The following SLC12A2 variants were observed in gnomAD, a reference collection of about 807,000 sequenced individuals.
SLC12A2 encodes the protein solute carrier family 12 member 2, also known as Na-K-2Cl cotransporter 1.
SLC12A2 carries 67 observed loss-of-function variants against 136.3 expected under a neutral mutation model. That is an observed-to-expected ratio of 0.49 (90% CI 0.40 to 0.60). The LOEUF (loss-of-function observed/expected upper bound fraction) is 0.60, where lower values mean the gene tolerates loss of function less well. Among genes scored for constraint, SLC12A2 ranks in the 20% least tolerant of loss-of-function variants. The pLI, the probability that SLC12A2 is intolerant of heterozygous loss-of-function variation, is 0.00. For synonymous variants in SLC12A2, 619 were observed against 562.9 expected (o/e 1.10, Z -1.41); for missense variants, 1,322 against 1,534.7 (o/e 0.86, Z 2.32).
chr5:128,165,203 C>T (rs1391734909), intron 17 of SLC12A2, among the ~76,000 whole-genome samples: 21 of 152,122 alleles, frequency 1.4e-4, no homozygotes, highest in Non-Finnish European at 1.5e-5. Context: ...TTAGAGACCT[C>T]TTTGAGCAAA....
At chr5:128,167,632 TG>T in intron 17 of SLC12A2, 128 bp from the exon 18 acceptor site, 1 of 552,188 alleles carries the variant, frequency 1.8e-6, no homozygotes, top group Non-Finnish European at 3.2e-6. Context: ...AATATGAATA[TG>T]GAATGCTGAA....
intron 16 of SLC12A2, 117 bp downstream of exon 16, chr5:128,158,281 A>G (rs1762927510): frequency 1.3e-6 from 1 of 745,624 alleles, no homozygotes; most frequent in Non-Finnish European, 2.2e-6. Flanking sequence ...GGTTTGGTGT[A>G]CAGATTGTTT....
At chr5:128,085,128 C>T (rs1338777882) in intron 1 of SLC12A2, among the ~76,000 whole-genome samples, 1 of 151,724 alleles carries the variant, frequency 6.6e-6, no homozygotes, top group African/African-American at 2.4e-5. Flanking sequence ...TGTTGTGTGG[C>T]TTATGTACGC....
At chr5:128,094,230 A>G (rs1295940411) in intron 1 of SLC12A2, among the ~76,000 whole-genome samples, 1 of 150,570 alleles carries the variant, frequency 6.6e-6, no homozygotes, top group Non-Finnish European at 1.5e-5. Context: ...TTTGCTATCT[A>G]GTATAGGCCT....
Position 128,187,236 on chromosome 5 carries a change from A to C in SLC12A2, c.*605A>C, listed in dbSNP as rs1364984467. 6.5e-6 allele frequency: 1 copy of C among 152,756 alleles called. No individual in the cohort carries two copies. The highest frequency in any genetic ancestry group is 6.5e-5 in the Admixed American group (1 of 15,294). The allele number at this position is 152,756 out of a possible 1,614,324, so 9.5% of individuals were successfully genotyped here. On this transcript the variant is annotated 3_prime_UTR_variant, in exon 27 of 27. Transcript: ENST00000262461. ...GGTAACCAAAAAGTAACCCCATGGT[A>C]AGGTTTATATGAGTATATGTGAATA... is the stretch of plus-strand genomic sequence containing the variant.
intron 2 of SLC12A2, 71 bp from the exon 3 acceptor site, chr5:128,114,141 G>A (rs1458737215): frequency 9.0e-7 from 1 of 1,115,346 alleles, no homozygotes. Flanking sequence ...ACTTTGACTG[G>A]TTTAATGCTT....
At chr5:128,150,125 G>T (rs1469106466) in intron 13 of SLC12A2, 27 bp downstream of exon 13, 1 of 1,366,130 alleles carries the variant, frequency 7.3e-7, no homozygotes, top group Admixed American at 1.7e-5. Flanking sequence ...AAAAAAGTTT[G>T]TAAATATCAT....
chr5:128,135,918 G>A, intron 7 of SLC12A2, 110 bp downstream of exon 7: 2 of 706,852 alleles, frequency 2.8e-6, no homozygotes, highest in Non-Finnish European at 4.9e-6. Context: ...CTATGGTTTG[G>A]TGATTCACCC....
intron 21 of SLC12A2, among the ~76,000 whole-genome samples, chr5:128,178,043 A>T (rs1188434686): frequency 6.6e-6 from 1 of 152,152 alleles, no homozygotes; most frequent in Non-Finnish European, 1.5e-5. Flanking sequence ...CTTTCCTTAG[A>T]CTAAGGTTTC....
intron 6 of SLC12A2, among the ~76,000 whole-genome samples, chr5:128,134,997 AT>A (rs1264321083): frequency 1.3e-5 from 2 of 152,102 alleles, no homozygotes; most frequent in Non-Finnish European, 2.9e-5. Context: ...AAATTAAATC[AT>A]TTATTTACAC....
intron 26 of SLC12A2, 59 bp from the exon 27 acceptor site, chr5:128,186,437 T>C: frequency 2.0e-6 from 3 of 1,520,946 alleles, no homozygotes; most frequent in South Asian, 1.3e-5. Flanking sequence ...TGCTACATTT[T>C]ATTCTGTAAA....
At chr5:128,130,415 T>C (rs956286053) in intron 4 of SLC12A2, among the ~76,000 whole-genome samples, 35 of 149,932 alleles carry the variant, frequency 2.3e-4, no homozygotes, top group African/African-American at 8.6e-4. Context: ...CTCAGGAGGC[T>C]GAGGCAGGAG....
chr5:128,156,241 T>G (rs1179730863), intron 15 of SLC12A2, among the ~76,000 whole-genome samples: 1 of 152,220 alleles, frequency 6.6e-6, no homozygotes, highest in African/African-American at 2.4e-5. Context: ...AGCTTCCTCA[T>G]GTGCTTTCCA....
intron 15 of SLC12A2, 82 bp downstream of exon 15, chr5:128,152,887 A>T: frequency 1.2e-6 from 1 of 859,912 alleles, no homozygotes; most frequent in East Asian, 2.4e-5. Flanking sequence ...ATTTTCATGT[A>T]CATTTCACAT....
chr5:128,178,775 G>A (rs576524923), intron 22 of SLC12A2, 86 bp downstream of exon 22: 1 of 1,028,970 alleles, frequency 9.7e-7, no homozygotes, highest in African/African-American at 1.7e-5. Flanking sequence ...TTTACCTGTG[G>A]ACCCCATTCA....
intron 17 of SLC12A2, 25 bp from the exon 18 acceptor site, chr5:128,167,734 TAA>T (rs1763246762): frequency 6.9e-7 from 1 of 1,451,230 alleles, no homozygotes; most frequent in Non-Finnish European, 9.5e-7. Context: ...AATATATCTG[TAA>T]AGTTATATTG....
At chr5:128,134,774 TG>T (rs1762133754) in intron 6 of SLC12A2, among the ~76,000 whole-genome samples, 1 of 152,062 alleles carries the variant, frequency 6.6e-6, no homozygotes, top group Non-Finnish European at 1.5e-5. Flanking sequence ...CACCCAGAAG[TG>T]TTTTTGTCTC....
chr5:128,166,197 T>C (rs1477055645), intron 17 of SLC12A2, among the ~76,000 whole-genome samples: 1 of 152,090 alleles, frequency 6.6e-6, no homozygotes, highest in Non-Finnish European at 1.5e-5. Context: ...AAATGACATA[T>C]GTCACAAATA....
At chr5:128,101,799 A>G (rs2126653556) in intron 1 of SLC12A2, among the ~76,000 whole-genome samples, 1 of 152,336 alleles carries the variant, frequency 6.6e-6, no homozygotes, top group South Asian at 2.1e-4. Context: ...GTTGTGAAAC[A>G]TTTCTAGTAC....
Sources: allele counts gnomAD v4.1 joint callset (sites outside exome capture counted in the v4.1 genomes callset), GRCh38; gene constraint gnomAD v4.1.1; transcripts MANE v1.5; gene names NCBI Gene and HGNC (gene_info 2026-07-23, HGNC 2026-07-21).